Variants in ZSCAN22 observed in about 807,000 individuals in gnomAD.
The protein encoded by ZSCAN22 is zinc finger and SCAN domain containing 22, also known as zinc finger and SCAN domain-containing protein 22.
In ZSCAN22, 7 loss-of-function variants were observed where a neutral mutation model predicts 12.4. That is an observed-to-expected ratio of 0.57 (90% CI 0.32 to 1.06). ZSCAN22 has a LOEUF of 1.06. ZSCAN22 is among the 50% of genes least tolerant of loss of function. ZSCAN22 has a pLI of 0.04. For missense variants in ZSCAN22, 576 were observed against 631.7 expected (o/e 0.91, Z 0.94); for synonymous variants, 243 against 255.9 (o/e 0.95, Z 0.48).
rs914347437 is a variant in ZSCAN22 at position 58,334,721 on chromosome 19, A to G, written c.-51-31A>G. ...AGGCATGAGGCAGGGCCCAGGTTCC[A>G]TGTGATGCTGAAGCTCTGACATTCC... On this transcript the variant is annotated intron_variant, in intron 1 of 2. Coordinates refer to ENST00000329665, the MANE Select transcript of ZSCAN22 (RefSeq NM_181846.3). The G allele has an allele frequency of 4.2e-6, 6 of 1,443,854 alleles. No homozygotes were observed. In the African/African-American group the frequency reaches 8.5e-5, roughly 20 times the overall value. 89.4% of individuals were successfully genotyped at this position (1,443,854 alleles called of 1,614,324 possible). A position where few individuals can be genotyped will look rare whatever the true frequency, so the allele number is the denominator to read the frequency against.
In ZSCAN22 at chr19:58,338,170, T is replaced by C; in HGVS notation, c.404-84T>C. On this transcript the variant is annotated intron_variant, in intron 2 of 2. Coordinates refer to ENST00000329665, the MANE Select transcript of ZSCAN22 (RefSeq NM_181846.3). The surrounding 1 kb of genome is among the most constrained non-coding windows in gnomAD (Gnocchi z 5.4). ...GTTAGGAACGGGCCACATCTCCCCT[T>C]ACAAAGTGTGACCGGGGCCCTCGGC... The C allele has an allele frequency of 7.7e-7, 1 of 1,302,780 alleles. No individual in the cohort carries two copies. The highest frequency in any genetic ancestry group is 1.1e-6 in the Non-Finnish European group (1 of 943,318). 80.7% of individuals were successfully genotyped at this position (1,302,780 alleles called of 1,614,324 possible).
Position 58,339,212 on chromosome 19 carries a change from C to T in ZSCAN22, c.1362C>T (p.His454=), listed in dbSNP as rs112468317. 1.7e-4 allele frequency: 273 copies of T among 1,614,190 alleles called. No individual in the cohort carries two copies. In the African/African-American group the frequency reaches 2.9e-3, roughly 17 times the overall value. Reference sequence around the variant, plus strand: ...CACAGAGCTCCTCCCTCATTGAGCACCAGAGGATCCACACGGGAGAGAAGC... The same window carrying T: ...CACAGAGCTCCTCCCTCATTGAGCATCAGAGGATCCACACGGGAGAGAAGC... ...AFAQSSSLIE[H]QRIHTGEKPY... The change falls in exon 3 of 3, where the codon CAC becomes CAT. Residue 454 remains histidine (H), a synonymous_variant. Transcript: ENST00000329665. This position sits in a 1 kb window ranked among gnomAD's most constrained non-coding sequence, Gnocchi z 5.6.
chr19:58,330,274 A>G (rs1389991657), intron 1 of ZSCAN22, among the ~76,000 whole-genome samples: 2 of 152,228 alleles, frequency 1.3e-5, no homozygotes, highest in Non-Finnish European at 2.9e-5. Context: ...TGGGCGACAA[A>G]GCAAGACTCC....
chr19:58,335,241 A>G lies in ZSCAN22; in HGVS notation c.403+36A>G, dbSNP rs1277675736. ...GCCGTGGGCAGCTTCACGGCACACC[A>G]GAGATACACCCTGGACAGGAACATG... On this transcript the variant is annotated intron_variant, in intron 2 of 2. Transcript: ENST00000329665. This position sits in a 1 kb window ranked among gnomAD's most constrained non-coding sequence, Gnocchi z 4.1. 1 of 1,511,416 alleles carries G rather than the reference A, an allele frequency of 6.6e-7. No homozygotes were observed. Among genetic ancestry groups the G allele is most frequent in the Non-Finnish European group, 8.9e-7 (1 of 1,128,036 alleles). The allele number at this position is 1,511,416 out of a possible 1,614,324, so 93.6% of individuals were successfully genotyped here.
At position 58,339,042 on chromosome 19, in the gene ZSCAN22, C is replaced by T; in HGVS notation, c.1192C>T (p.His398Tyr). 1 of 1,614,218 alleles carries T rather than the reference C, an allele frequency of 6.2e-7. No individual in the cohort carries two copies. The highest frequency in any genetic ancestry group is 8.5e-7 in the Non-Finnish European group (1 of 1,180,020). Residue 398 changes from histidine to tyrosine, a missense_variant, in exon 3 of 3, where the codon CAC becomes TAC. By Grantham distance (83) the His-to-Tyr change is moderately conservative. Transcript: ENST00000329665. The surrounding 1 kb of genome is among the most constrained non-coding windows in gnomAD (Gnocchi z 5.6). ...AFSQSTHLTQ[H>Y]QRIHTGEKPY... is the part of the protein sequence containing the mutation. ...CAGCCAGAGCACGCACCTGACTCAA[C>T]ACCAGCGCATCCACACCGGGGAGAA...
chr19:58,335,720 G>A lies in ZSCAN22; in HGVS notation c.403+515G>A, dbSNP rs537267253. Among the ~76,000 whole-genome samples, 1 of 152,324 alleles carries A rather than the reference G, an allele frequency of 6.6e-6. No individual in the cohort carries two copies. The highest frequency in any genetic ancestry group is 2.1e-4 in the South Asian group (1 of 4,826). On this transcript the variant is annotated intron_variant, in intron 2 of 2. Transcript: ENST00000329665. The surrounding 1 kb of genome is among the most constrained non-coding windows in gnomAD (Gnocchi z 4.1). ...ACAGTGAGCAACTGGCTGTTTCTCA[G>A]AGGAAACCAGACGAGGGCCTGGGTG...
In ZSCAN22 at chr19:58,341,069, G is replaced by A. The variant is rs191482820; in HGVS notation, c.*1743G>A. The A allele has an allele frequency of 2.0e-5, 3 of 152,266 alleles. No homozygotes were observed. The highest frequency in any genetic ancestry group is 1.9e-4 in the East Asian group (1 of 5,180). The allele number at this position is 152,266 out of a possible 1,614,324, so 9.4% of individuals were successfully genotyped here. A position where few individuals can be genotyped will look rare whatever the true frequency, so the allele number is the denominator to read the frequency against. Reference sequence around the variant, plus strand: ...ACATGAATGTGACTGGTGCCCCCAGGAGGCAGTCACCGTGCTGTCTCTGCC... The same window carrying A: ...ACATGAATGTGACTGGTGCCCCCAGAAGGCAGTCACCGTGCTGTCTCTGCC... On this transcript the variant is annotated 3_prime_UTR_variant, in exon 3 of 3. Transcript: ENST00000329665.
intron 1 of ZSCAN22, 31 bp downstream of exon 1, chr19:58,327,145 C>CAACA (rs2051661173): frequency 6.6e-6 from 1 of 152,610 alleles, no homozygotes; most frequent in Non-Finnish European, 1.5e-5. Flanking sequence ...CCGTCCTGAT[C>CAACA]CAGGCTGGAG....
chr19:58,336,140 T>G (rs182220003), intron 2 of ZSCAN22, among the ~76,000 whole-genome samples: 218 of 152,292 alleles, frequency 1.4e-3, no homozygotes, highest in Non-Finnish European at 1.6e-4. Flanking sequence ...GTGACTCCCT[T>G]GTGCCTCAGT....
In ZSCAN22 at chr19:58,340,836, CT is replaced by C. The variant is rs1439247023; in HGVS notation, c.*1511del. On this transcript the variant is annotated 3_prime_UTR_variant, in exon 3 of 3. Coordinates refer to ENST00000329665, the MANE Select transcript of ZSCAN22 (RefSeq NM_181846.3). ...TGTTGCCCAAAGAAACCTCCCTGCT[CT>C]CCGGGAGCAGACTTCAGCTTGCCCT... 6.6e-6 allele frequency: 1 copy of C among 152,132 alleles called. No homozygotes were observed. The highest frequency in any genetic ancestry group is 1.9e-4 in the East Asian group (1 of 5,182). The allele number at this position is 152,132 out of a possible 1,614,324, so 9.4% of individuals were successfully genotyped here. A position where few individuals can be genotyped will look rare whatever the true frequency, so the allele number is the denominator to read the frequency against.
At position 58,329,553 on chromosome 19, in the gene ZSCAN22, C is replaced by T. The variant is rs2051698188; in HGVS notation, c.-52+2439C>T. Among the ~76,000 whole-genome samples the T allele has an allele frequency of 6.6e-6, 1 of 152,164 alleles. No individual in the cohort carries two copies. Among genetic ancestry groups the T allele is most frequent in the South Asian group, 2.1e-4 (1 of 4,830 alleles). ...CTGACTATAAGAGAAAACAAATTCACTGTGGGAAGTAGAGAATGTCAAGAA... is the reference window on the plus strand; with the variant it reads ...CTGACTATAAGAGAAAACAAATTCATTGTGGGAAGTAGAGAATGTCAAGAA... On this transcript the variant is annotated intron_variant, in intron 1 of 2. Transcript: ENST00000329665. The surrounding 1 kb of genome is among the most constrained non-coding windows in gnomAD (Gnocchi z 4.1).
chr19:58,341,920 C>G lies in ZSCAN22; in HGVS notation c.*2594C>G, dbSNP rs1384390557. 2 of 152,206 alleles carry G rather than the reference C, an allele frequency of 1.3e-5. No individual in the cohort carries two copies. Among genetic ancestry groups the G allele is most frequent in the Non-Finnish European group, 2.9e-5 (2 of 68,048 alleles). The allele number at this position is 152,206 out of a possible 1,614,324, so 9.4% of individuals were successfully genotyped here. A position where few individuals can be genotyped will look rare whatever the true frequency, so the allele number is the denominator to read the frequency against. ...GGACAGGACCCACCTTGTGTAGTGC[C>G]TGACCCAAAGCCTGGCCCTGCACAC... On this transcript the variant is annotated 3_prime_UTR_variant, in exon 3 of 3. Transcript: ENST00000329665.
Position 58,338,901 on chromosome 19 carries a change from C to A in ZSCAN22, c.1051C>A (p.Pro351Thr). The A allele has an allele frequency of 6.2e-7, 1 of 1,614,126 alleles. No homozygotes were observed. Among genetic ancestry groups the A allele is most frequent in the South Asian group, 1.1e-5 (1 of 91,084 alleles). The change falls in exon 3 of 3, where the codon CCC becomes ACC. Residue 351 changes from proline (P) to threonine (T), a missense_variant. Coordinates refer to ENST00000329665, the MANE Select transcript of ZSCAN22 (RefSeq NM_181846.3). The surrounding 1 kb of genome is among the most constrained non-coding windows in gnomAD (Gnocchi z 5.4). ...CCAAAGGATTCATACTGGAGAGAAA[C>A]CCTACAAATGTGGGGAATGTGGTAA... ...QHQRIHTGEK[P>T]YKCGECGKTF...
In ZSCAN22 at chr19:58,334,908, G is replaced by T. The variant is rs756236954; in HGVS notation, c.106G>T (p.Glu36Ter). ...EEEASLSQGG[E>*]SSHDHIAHSE... ...GGAAGCCAGCCTCTCCCAGGGCGGA[G>T]AATCCAGCCATGACCACATTGCTCA... Residue 36 changes from glutamate to a stop codon, truncating the protein, a stop_gained, in exon 2 of 3, where the codon GAA becomes TAA. Transcript: ENST00000329665. LOFTEE classifies it high-confidence loss of function. 1 of 1,614,128 alleles carries T rather than the reference G, an allele frequency of 6.2e-7. No homozygotes were observed. Among genetic ancestry groups the T allele is most frequent in the South Asian group, 1.1e-5 (1 of 91,086 alleles).
Position 58,335,304 on chromosome 19 carries a change from C to G in ZSCAN22, c.403+99C>G. 2 of 1,370,360 alleles carry G rather than the reference C, an allele frequency of 1.5e-6. No individual in the cohort carries two copies. Among genetic ancestry groups the G allele is most frequent in the Non-Finnish European group, 1.9e-6 (2 of 1,032,306 alleles). 84.9% of individuals were successfully genotyped at this position (1,370,360 alleles called of 1,614,324 possible). On this transcript the variant is annotated intron_variant, in intron 2 of 2. Transcript: ENST00000329665. The surrounding 1 kb of genome is among the most constrained non-coding windows in gnomAD (Gnocchi z 4.1). ...TCTGGTTTGGGGTTGCTCATGCACCCATTCTCACATTTGTACTTTACCGTA... is the reference window on the plus strand; with the variant it reads ...TCTGGTTTGGGGTTGCTCATGCACCGATTCTCACATTTGTACTTTACCGTA...
In ZSCAN22 at chr19:58,339,459, G is replaced by A. The variant is rs2051845697; in HGVS notation, c.*133G>A. 7 of 819,286 alleles carry A rather than the reference G, an allele frequency of 8.5e-6. 1 individual carries two copies. The Middle Eastern group carries it at 1.8e-3, about 206-fold the overall frequency. 50.8% of individuals were successfully genotyped at this position (819,286 alleles called of 1,614,324 possible). ...TTGTCAAAATGATAGGTGCCTGAGG[G>A]CAGACTCGGGCTGTCTAGGAACCAC... On this transcript the variant is annotated 3_prime_UTR_variant, in exon 3 of 3. Coordinates refer to ENST00000329665, the MANE Select transcript of ZSCAN22 (RefSeq NM_181846.3). This position sits in a 1 kb window ranked among gnomAD's most constrained non-coding sequence, Gnocchi z 5.6.
Position 58,338,310 on chromosome 19 carries a change from G to A in ZSCAN22, c.460G>A (p.Glu154Lys), listed in dbSNP as rs772127437. 1.9e-6 allele frequency: 3 copies of A among 1,612,764 alleles called. No individual in the cohort carries two copies. Among genetic ancestry groups the A allele is most frequent in the South Asian group, 2.2e-5 (2 of 91,060 alleles). Residue 154 changes from glutamate to lysine, a missense_variant, in exon 3 of 3, where the codon GAG becomes AAG. Glu to Lys is a moderately conservative substitution (Grantham distance 56). Transcript: ENST00000329665. The surrounding 1 kb of genome is among the most constrained non-coding windows in gnomAD (Gnocchi z 5.4). ...EASCKQSDLG[E>K]SEPSNVTETL... is the part of the protein sequence containing the mutation. ...AAGCTGCAAGCAGAGTGACCTGGGAGAGTCAGAGCCATCAAATGTCACTGA... is the reference window on the plus strand; with the variant it reads ...AAGCTGCAAGCAGAGTGACCTGGGAAAGTCAGAGCCATCAAATGTCACTGA...
intron 2 of ZSCAN22, among the ~76,000 whole-genome samples, chr19:58,336,616 A>T (rs1395906875): frequency 6.6e-6 from 1 of 152,168 alleles, no homozygotes. Flanking sequence ...CTGAAATCCC[A>T]ACTGGGCCAC....
rs2051865321 is a variant in ZSCAN22 at position 58,340,766 on chromosome 19, G to A, written c.*1440G>A. 6.6e-6 allele frequency: 1 copy of A among 151,702 alleles called. No individual in the cohort carries two copies. The allele number at this position is 151,702 out of a possible 1,614,324, so 9.4% of individuals were successfully genotyped here. On this transcript the variant is annotated 3_prime_UTR_variant, in exon 3 of 3. Transcript: ENST00000329665. Reference sequence around the variant, plus strand: ...CCCAAAGTGCTGGGATTACAGGCGTGAGCCACCGCACCTGGCCCTCCTTTT... The same window carrying A: ...CCCAAAGTGCTGGGATTACAGGCGTAAGCCACCGCACCTGGCCCTCCTTTT...
Sources: allele counts gnomAD v4.1 joint callset (sites outside exome capture counted in the v4.1 genomes callset), GRCh38; gene constraint gnomAD v4.1.1; non-coding constraint Gnocchi (gnomAD v3.1); transcripts MANE v1.5; gene names NCBI Gene and HGNC (gene_info 2026-07-23, HGNC 2026-07-21).